The following EXTL3 variants were observed in gnomAD, a reference collection of about 807,000 sequenced individuals.
EXTL3 encodes exostosin like glycosyltransferase 3.
In EXTL3, 27 loss-of-function variants were observed where a neutral mutation model predicts 69.3. The observed-to-expected ratio is 0.39, with a 90% CI of 0.29 to 0.54. The LOEUF (loss-of-function observed/expected upper bound fraction) is 0.54. Among genes scored for constraint, EXTL3 ranks in the 20% least tolerant of loss-of-function variants. The pLI is 0.69. For synonymous variants in EXTL3, 511 were observed against 499.4 expected (o/e 1.02, Z -0.31); for missense variants, 1,003 against 1,231.8 (o/e 0.81, Z 2.78).
intron 1 of EXTL3, among the ~76,000 whole-genome samples, chr8:28,633,930 T>A (rs1037465304): frequency 6.6e-6 from 1 of 152,202 alleles, no homozygotes; most frequent in Non-Finnish European, 1.5e-5. Flanking sequence ...AGCCGACCTC[T>A]GTGTTAGCAA....
intron 2 of EXTL3, among the ~76,000 whole-genome samples, chr8:28,614,627 G>A (rs983584891): frequency 1.3e-5 from 2 of 151,932 alleles, no homozygotes; most frequent in Admixed American, 6.6e-5. Flanking sequence ...TGGAAGCTTA[G>A]GTTGCTGGTT....
intron 1 of EXTL3, among the ~76,000 whole-genome samples, chr8:28,626,084 A>C (rs1157330985): frequency 2.0e-5 from 3 of 147,410 alleles, no homozygotes; most frequent in South Asian, 2.2e-4. Context: ...AGGTGTGAGG[A>C]TCTCTTGAGT....
chr8:28,718,295 G>A (rs542494745), intron 3 of EXTL3, 88 bp downstream of exon 3: 27 of 1,308,010 alleles, frequency 2.1e-5, no homozygotes, highest in Non-Finnish European at 1.6e-5. Context: ...TTTAGCAATC[G>A]TAACTTCTAG....
chr8:28,725,785 G>A (rs991358479), intron 3 of EXTL3, among the ~76,000 whole-genome samples: 5 of 152,118 alleles, frequency 3.3e-5, no homozygotes, highest in Non-Finnish European at 5.9e-5. Flanking sequence ...GTATTGTGGG[G>A]TTGAGGGAAG....
At chr8:28,652,022 C>G (rs1806928990) in intron 1 of EXTL3, among the ~76,000 whole-genome samples, 1 of 115,828 alleles carries the variant, frequency 8.6e-6, no homozygotes, top group African/African-American at 4.2e-5. Flanking sequence ...GAATAATATT[C>G]CATTGTGTGT....
intron 1 of EXTL3, among the ~76,000 whole-genome samples, chr8:28,685,577 C>T (rs950341731): frequency 1.3e-5 from 2 of 152,114 alleles, no homozygotes; most frequent in Non-Finnish European, 2.9e-5. Context: ...ATCCTCCTGC[C>T]TCCGCTTCCT....
chr8:28,753,463 C>G lies in EXTL3; in HGVS notation c.*2597C>G, dbSNP rs998472712. On this transcript the variant is annotated 3_prime_UTR_variant, in exon 7 of 7. Transcript: ENST00000220562. Reference sequence around the variant, plus strand: ...GCTGGCTCCCTGGGCAGTGCTCCTCCGTGTGGACTGTGCCTCAGGCCAGGG... The same window carrying G: ...GCTGGCTCCCTGGGCAGTGCTCCTCGGTGTGGACTGTGCCTCAGGCCAGGG... 1 of 152,610 alleles carries G rather than the reference C, an allele frequency of 6.6e-6. No homozygotes were observed. Among genetic ancestry groups the G allele is most frequent in the Non-Finnish European group, 1.5e-5 (1 of 68,196 alleles). 9.5% of individuals were successfully genotyped at this position (152,610 alleles called of 1,614,324 possible).
intron 1 of EXTL3, among the ~76,000 whole-genome samples, chr8:28,706,491 G>A (rs1386468109): frequency 1.3e-5 from 2 of 152,114 alleles, no homozygotes; most frequent in Non-Finnish European, 2.9e-5. Context: ...CAGGGAAAGA[G>A]GATAGACACA....
rs746487539 is a variant in EXTL3, at chr8:28,716,992, C to G, written c.933C>G (p.Gly311=). The G allele has an allele frequency of 1.2e-6, 2 of 1,614,218 alleles. No individual in the cohort carries two copies. Among genetic ancestry groups the G allele is most frequent in the South Asian group, 2.2e-5 (2 of 91,092 alleles). The change falls in exon 3 of 7, where the codon GGC becomes GGG. Residue 311 remains glycine (G), a synonymous_variant. Coordinates refer to ENST00000220562, the MANE Select transcript of EXTL3 (RefSeq NM_001440.4). The surrounding 1 kb of genome is among the most constrained non-coding windows in gnomAD (Gnocchi z 7.1). ...STFYTVQYRP[G]FDLVVSPLVH... The stretch of plus-strand genomic sequence containing the variant: ...TCTACACTGTCCAGTACAGACCTGG[C>G]TTTGACTTGGTCGTATCACCGCTGG...
At chr8:28,655,103 TC>T (rs200488135) in intron 1 of EXTL3, among the ~76,000 whole-genome samples, 3,952 of 152,262 alleles carry the variant, frequency 0.026, 66 homozygotes, top group Non-Finnish European at 0.04. Context: ...GAATATTCTC[TC>T]AATATTTTGA....
At chr8:28,730,106 G>A (rs552884448) in intron 3 of EXTL3, 1 of 152,318 alleles carries the variant, frequency 6.6e-6, no homozygotes, top group Admixed American at 6.5e-5. Context: ...GGACCTCCAG[G>A]GGGAGGATGG....
In EXTL3 at chr8:28,718,036, C is replaced by T. The variant is rs138175937; in HGVS notation, c.1977C>T (p.Pro659=). The T allele has an allele frequency of 6.2e-7, 1 of 1,613,788 alleles. No individual in the cohort carries two copies. Residue 659 remains proline (P), a synonymous_variant, in exon 3 of 7, where the codon CCC becomes CCT. Transcript: ENST00000220562. The part of the protein sequence containing the change: ...EFQAALGGNV[P]REQFTVVMLT... ...AGGCAGCGCTTGGAGGCAATGTTCC[C>T]CGAGAGCAGTTCACGGTGGTGATGT... is the stretch of plus-strand genomic sequence containing the variant.
At chr8:28,675,389 C>A (rs1268663839) in intron 1 of EXTL3, among the ~76,000 whole-genome samples, 1 of 152,178 alleles carries the variant, frequency 6.6e-6, no homozygotes, top group East Asian at 1.9e-4. Context: ...TGTATCATGA[C>A]CTCTGTGGTC....
chr8:28,716,902 G>A lies in EXTL3; in HGVS notation c.843G>A (p.Lys281=). Residue 281 remains lysine, a synonymous_variant, in exon 3 of 7, where the codon AAG becomes AAA. Coordinates refer to ENST00000220562, the MANE Select transcript of EXTL3 (RefSeq NM_001440.4). The surrounding 1 kb of genome is among the most constrained non-coding windows in gnomAD (Gnocchi z 7.1). ...HNHVIINLSR[K]SDTQNLLYNV... Reference sequence around the variant, plus strand: ...ATGTCATCATCAATCTGTCACGTAAGTCAGATACACAGAACCTTCTCTATA... The same window carrying A: ...ATGTCATCATCAATCTGTCACGTAAATCAGATACACAGAACCTTCTCTATA... The A allele has an allele frequency of 6.2e-7, 1 of 1,614,208 alleles. No individual in the cohort carries two copies.
Position 28,750,899 on chromosome 8 carries a change from A to G in EXTL3, c.*33A>G. 2 of 1,590,220 alleles carry G rather than the reference A, an allele frequency of 1.3e-6. No homozygotes were observed. The highest frequency in any genetic ancestry group is 1.7e-6 in the Non-Finnish European group (2 of 1,159,920). Reference sequence around the variant, plus strand: ...GCACGGTCTGGGGAAGAGGATGAGCAGAGGGAGGAAGATGGCTCCCAAGGT... The same window carrying G: ...GCACGGTCTGGGGAAGAGGATGAGCGGAGGGAGGAAGATGGCTCCCAAGGT... On this transcript the variant is annotated 3_prime_UTR_variant, in exon 7 of 7. Transcript: ENST00000220562. This position sits in a 1 kb window ranked among gnomAD's most constrained non-coding sequence, Gnocchi z 5.2.
At chr8:28,632,276 T>A (rs1383912272) in intron 1 of EXTL3, among the ~76,000 whole-genome samples, 2 of 151,784 alleles carry the variant, frequency 1.3e-5, no homozygotes, top group African/African-American at 4.8e-5. Context: ...GCACCTGTAA[T>A]CCCAGCTACT....
chr8:28,660,950 G>A (rs1274341534), intron 1 of EXTL3, among the ~76,000 whole-genome samples: 1 of 116,706 alleles, frequency 8.6e-6, no homozygotes, highest in South Asian at 2.9e-4. Flanking sequence ...GTCTTGCTCT[G>A]TTGCCCAGGC....
intron 3 of EXTL3, among the ~76,000 whole-genome samples, chr8:28,721,212 C>G (rs1205071286): frequency 3.3e-5 from 5 of 152,204 alleles, no homozygotes; most frequent in Non-Finnish European, 7.3e-5. Context: ...ACTGAAAGCC[C>G]TGTCTCGTGA....
At chr8:28,680,628 A>C (rs1807470142) in intron 1 of EXTL3, among the ~76,000 whole-genome samples, 1 of 152,168 alleles carries the variant, frequency 6.6e-6, no homozygotes, top group South Asian at 2.1e-4. Context: ...ATAAATATAC[A>C]TTAATTATAG....
Sources: gnomAD v4.1 joint callset for allele counts (sites outside exome capture counted in the v4.1 genomes callset) on GRCh38, gnomAD v4.1.1 for gene constraint, Gnocchi (gnomAD v3.1) non-coding constraint, MANE v1.5 for transcripts, NCBI Gene and HGNC (gene_info 2026-07-23, HGNC 2026-07-21) for gene names.